Variants in MSI2 observed in about 807,000 individuals in gnomAD.
MSI2 encodes the protein RNA-binding protein Musashi homolog 2.
MSI2 carries 17 observed loss-of-function variants against 45.6 expected under a neutral mutation model. The observed-to-expected ratio is 0.37, with a 90% CI of 0.26 to 0.56. The LOEUF is 0.56. MSI2 is among the 20% of genes least tolerant of loss of function. The probability of loss-of-function intolerance (pLI) is 0.77; values close to 1 mark genes in which losing one functional copy is unlikely to be tolerated. For synonymous variants in MSI2, 156 were observed against 158.2 expected (o/e 0.99, Z 0.11); for missense variants, 293 against 444.2 (o/e 0.66, Z 3.06).
At chr17:57,562,400 C>T (rs2087599944) in intron 7 of MSI2, among the ~76,000 whole-genome samples, 2 of 152,230 alleles carry the variant, frequency 1.3e-5, no homozygotes, top group Admixed American at 6.5e-5. Flanking sequence ...GCCTGCTGGT[C>T]CCAAGCAACT....
intron 6 of MSI2, chr17:57,450,044 A>G (rs1383676549): frequency 3.3e-5 from 5 of 152,292 alleles, no homozygotes; most frequent in Non-Finnish European, 7.3e-5. Context: ...ACAAACAAAC[A>G]AACAAACAAA....
chr17:57,292,064 G>A (rs936669922), intron 5 of MSI2, among the ~76,000 whole-genome samples: 4 of 152,088 alleles, frequency 2.6e-5, no homozygotes, highest in African/African-American at 4.8e-5. Context: ...GCTAGTGGGC[G>A]AGACCTGCGT....
intron 6 of MSI2, among the ~76,000 whole-genome samples, chr17:57,403,827 A>G (rs1011559722): frequency 2.6e-5 from 4 of 152,158 alleles, no homozygotes; most frequent in Non-Finnish European, 4.4e-5. Context: ...TGGGAGCACT[A>G]CAATGATTAA....
At chr17:57,403,304 T>TTCTGTTTCTC (rs2084026647) in intron 6 of MSI2, among the ~76,000 whole-genome samples, 1 of 152,190 alleles carries the variant, frequency 6.6e-6, no homozygotes, top group Non-Finnish European at 1.5e-5. Context: ...CTTTCTGTAT[T>TTCTGTTTCTC]TCTGTTTCTC....
At chr17:57,387,456 G>A (rs938715228) in intron 5 of MSI2, among the ~76,000 whole-genome samples, 11 of 152,202 alleles carry the variant, frequency 7.2e-5, no homozygotes, top group African/African-American at 2.4e-4. Context: ...TATTACCTCC[G>A]AGGCATGGCC....
chr17:57,638,661 G>A (rs369128823), intron 10 of MSI2, among the ~76,000 whole-genome samples: 140 of 152,290 alleles, frequency 9.2e-4, no homozygotes, highest in African/African-American at 3.2e-3. Context: ...AGGCCAAGGC[G>A]GGAGGGTTTC....
intron 7 of MSI2, among the ~76,000 whole-genome samples, chr17:57,545,625 G>A (rs151198783): frequency 2.4e-3 from 368 of 152,312 alleles, no homozygotes; most frequent in African/African-American, 7.9e-3. Flanking sequence ...GTAGCAGGCC[G>A]TTGAAATTCT....
chr17:57,309,029 A>G (rs1236460940), intron 5 of MSI2, among the ~76,000 whole-genome samples: 2 of 152,178 alleles, frequency 1.3e-5, no homozygotes, highest in Non-Finnish European at 2.9e-5. Flanking sequence ...ATGAGGGGAT[A>G]TCACCTCCTC....
chr17:57,663,006 G>A (rs1269505516), intron 11 of MSI2, among the ~76,000 whole-genome samples: 1 of 152,248 alleles, frequency 6.6e-6, no homozygotes. Flanking sequence ...GAGCACGGGC[G>A]GGCTTCTCTG....
At chr17:57,342,959 A>G (rs947836134) in intron 5 of MSI2, among the ~76,000 whole-genome samples, 2 of 152,228 alleles carry the variant, frequency 1.3e-5, no homozygotes, top group African/African-American at 4.8e-5. Context: ...TTTATTTAAT[A>G]ATACCAGTTA....
At chr17:57,619,770 G>A (rs1908110421) in intron 9 of MSI2, among the ~76,000 whole-genome samples, 1 of 152,176 alleles carries the variant, frequency 6.6e-6, no homozygotes, top group African/African-American at 2.4e-5. Context: ...TGCTCGCTGG[G>A]GGATGGATAT....
chr17:57,523,690 C>T (rs991050882), intron 6 of MSI2: 1 of 152,210 alleles, frequency 6.6e-6, no homozygotes, highest in African/African-American at 2.4e-5. Flanking sequence ...CCGTCCACAC[C>T]TTAATGCCTG....
chr17:57,507,223 CTCTGTG>C (rs1416455853), intron 6 of MSI2, among the ~76,000 whole-genome samples: 16,975 of 108,966 alleles, frequency 0.16, 1,334 homozygotes, highest in Middle Eastern at 0.24. Context: ...GTCTTTGTCT[CTCTGTG>C]TGTGTGTGTG....
chr17:57,501,155 G>A (rs1481274653), intron 6 of MSI2, among the ~76,000 whole-genome samples: 1 of 152,130 alleles, frequency 6.6e-6, no homozygotes, highest in Non-Finnish European at 1.5e-5. Flanking sequence ...TCGCCGTGTG[G>A]TTCCTGAGTG....
At chr17:57,341,301 GA>G (rs2143789917) in intron 5 of MSI2, among the ~76,000 whole-genome samples, 1 of 152,340 alleles carries the variant, frequency 6.6e-6, no homozygotes, top group Admixed American at 6.5e-5. Flanking sequence ...GGAGGTCTGA[GA>G]AGAACTGGGA....
chr17:57,461,895 C>G (rs1277158525), intron 6 of MSI2, among the ~76,000 whole-genome samples: 1 of 152,164 alleles, frequency 6.6e-6, no homozygotes, highest in Non-Finnish European at 1.5e-5. Flanking sequence ...TTCCATTACC[C>G]CATTTCCTTC....
chr17:57,526,949 G>A (rs1308014671), intron 6 of MSI2, among the ~76,000 whole-genome samples: 2 of 152,048 alleles, frequency 1.3e-5, no homozygotes, highest in African/African-American at 2.4e-5. Context: ...CCTCCCCCAC[G>A]CTCACCAGGG....
At chr17:57,396,827 A>G (rs1456286668) in intron 5 of MSI2, among the ~76,000 whole-genome samples, 1 of 152,106 alleles carries the variant, frequency 6.6e-6, no homozygotes, top group Non-Finnish European at 1.5e-5. Context: ...GCACACGGAC[A>G]CCTCCTGCTT....
chr17:57,316,652 C>T (rs1912876787), intron 5 of MSI2, among the ~76,000 whole-genome samples: 1 of 152,196 alleles, frequency 6.6e-6, no homozygotes, highest in South Asian at 2.1e-4. Context: ...TTTGGAAAAT[C>T]CTGTGCTTTT....
Sources: allele counts gnomAD v4.1 joint callset (sites outside exome capture counted in the v4.1 genomes callset), GRCh38; gene constraint gnomAD v4.1.1; transcripts MANE v1.5; gene names NCBI Gene and HGNC (gene_info 2026-07-23, HGNC 2026-07-21).